The following ZFAT variants were observed in gnomAD, a reference collection of about 807,000 sequenced individuals.
ZFAT encodes zinc finger and AT-hook domain containing, also known as zinc finger protein ZFAT.
ZFAT carries 64 observed loss-of-function variants against 117.7 expected under a neutral mutation model. That is an observed-to-expected ratio of 0.54 (90% CI 0.44 to 0.67). The LOEUF (loss-of-function observed/expected upper bound fraction) is 0.67. ZFAT is among the 30% of genes least tolerant of loss of function. ZFAT has a pLI of 0.00. For synonymous variants in ZFAT, 679 were observed against 615.0 expected (o/e 1.10, Z -1.54); for missense variants, 1,433 against 1,584.5 (o/e 0.90, Z 1.62).
intron 2 of ZFAT, among the ~76,000 whole-genome samples, chr8:134,656,363 T>C (rs1831602888): frequency 6.6e-6 from 1 of 152,216 alleles, no homozygotes; most frequent in African/African-American, 2.4e-5. Context: ...GAGCACGCCA[T>C]GGACACACAC....
chr8:134,713,120 CCGGCA>C, upstream of ZFAT: 1 of 386,646 alleles, frequency 2.6e-6, no homozygotes, highest in Non-Finnish European at 4.6e-6. Flanking sequence ...CGAGCGCGGC[CCGGCA>C]GGGCCGAGCT....
intron 3 of ZFAT, among the ~76,000 whole-genome samples, chr8:134,637,079 CCT>C (rs1563708230): frequency 6.6e-6 from 1 of 152,250 alleles, no homozygotes; most frequent in Non-Finnish European, 1.5e-5. Flanking sequence ...CAGATTCACT[CCT>C]GACTTTCCAT....
intron 14 of ZFAT, among the ~76,000 whole-genome samples, chr8:134,510,524 G>T (rs1195279925): frequency 6.6e-6 from 1 of 152,104 alleles, no homozygotes; most frequent in Admixed American, 6.5e-5. Flanking sequence ...ATCAGAGAAG[G>T]GGAACTCAAC....
intron 15 of ZFAT, among the ~76,000 whole-genome samples, chr8:134,501,831 G>A (rs1338769596): frequency 6.6e-6 from 1 of 152,210 alleles, no homozygotes; most frequent in Non-Finnish European, 1.5e-5. Flanking sequence ...TAACTCACCA[G>A]TTATTCGAGC....
intron 12 of ZFAT, 69 bp downstream of exon 12, chr8:134,532,757 GTCAGCAGC>G: frequency 6.4e-7 from 1 of 1,550,686 alleles, no homozygotes; most frequent in Non-Finnish European, 8.7e-7. Context: ...ACTGCAGGAT[GTCAGCAGC>G]TCTTCCCAAT....
intron 5 of ZFAT, among the ~76,000 whole-genome samples, chr8:134,604,332 T>A (rs1259999145): frequency 6.6e-6 from 1 of 152,180 alleles, no homozygotes; most frequent in Non-Finnish European, 1.5e-5. Flanking sequence ...TGCATGCTTA[T>A]CCTCTCTACC....
At chr8:134,733,393 G>C in the ZFAT span, among the ~76,000 whole-genome samples, 3 of 152,216 alleles carry the variant, frequency 2.0e-5, 1 homozygote, top group South Asian at 6.2e-4. Flanking sequence ...AAAACGAGCA[G>C]TTTATGCAAT....
chr8:134,652,384 T>C (rs1772937109), intron 2 of ZFAT, among the ~76,000 whole-genome samples: 1 of 152,148 alleles, frequency 6.6e-6, no homozygotes, highest in Non-Finnish European at 1.5e-5. Flanking sequence ...GTGTATTCTA[T>C]AGCAGAAAAA....
chr8:134,619,656 A>G lies in ZFAT; in HGVS notation c.449-9001T>C, dbSNP rs563988557. Among the ~76,000 whole-genome samples, 10 of 152,328 alleles carry G rather than the reference A, an allele frequency of 6.6e-5. No homozygotes were observed. The East Asian group carries it at 1.9e-3, about 29-fold the overall frequency. ...CATAGATAGTAAAGTGGGGAAAGAC[A>G]GGAAGGGCCTCCAACCTCACACAGT... is the stretch of plus-strand genomic sequence containing the variant. On this transcript the variant is annotated intron_variant, in intron 3 of 15. Transcript: ENST00000377838.
chr8:134,656,920 G>A (rs1831641662), intron 2 of ZFAT, among the ~76,000 whole-genome samples: 1 of 152,200 alleles, frequency 6.6e-6, no homozygotes, highest in Non-Finnish European at 1.5e-5. Context: ...AGTGACAGAT[G>A]TCCAGACACT....
intron 10 of ZFAT, among the ~76,000 whole-genome samples, chr8:134,582,508 C>T (rs1043048139): frequency 8.5e-5 from 13 of 152,182 alleles, no homozygotes; most frequent in Admixed American, 4.6e-4. Context: ...TTTGTGGAGG[C>T]GTAGAATCAT....
chr8:134,784,418 C>T, the ZFAT span: 14 of 152,062 alleles, frequency 9.2e-5, no homozygotes, highest in Middle Eastern at 3.4e-3. Context: ...ATAAAATATG[C>T]GATTCTCTTT....
At chr8:134,820,982 G>A in the ZFAT span, among the ~76,000 whole-genome samples, 838 of 152,312 alleles carry the variant, frequency 5.5e-3, 6 homozygotes, top group African/African-American at 0.019. Context: ...GAATAATGAT[G>A]AGATGAGCAT....
intron 3 of ZFAT, among the ~76,000 whole-genome samples, chr8:134,630,783 T>C (rs1195676672): frequency 1.3e-5 from 2 of 152,240 alleles, no homozygotes; most frequent in Non-Finnish European, 2.9e-5. Context: ...GTTGAAAACA[T>C]ATCAAAAGAG....
chr8:134,738,843 A>T, the ZFAT span, among the ~76,000 whole-genome samples: 1 of 152,190 alleles, frequency 6.6e-6, no homozygotes, highest in Non-Finnish European at 1.5e-5. Context: ...TAAATAACAG[A>T]AGCCCAATTT....
chr8:134,810,940 G>C, the ZFAT span, among the ~76,000 whole-genome samples: 1 of 151,920 alleles, frequency 6.6e-6, no homozygotes, highest in Admixed American at 6.6e-5. Flanking sequence ...AACATGGGGG[G>C]GAAATCAGTA....
At chr8:134,669,120 G>A (rs1044707164) in intron 1 of ZFAT, among the ~76,000 whole-genome samples, 2 of 152,196 alleles carry the variant, frequency 1.3e-5, no homozygotes, top group Non-Finnish European at 1.5e-5. Flanking sequence ...CCAAATCTAC[G>A]TCTGATCGCT....
chr8:134,488,419 T>C (rs1171030180), intron 15 of ZFAT, among the ~76,000 whole-genome samples: 1 of 152,224 alleles, frequency 6.6e-6, no homozygotes, highest in East Asian at 1.9e-4. Flanking sequence ...TGAAGTTACA[T>C]AACATCAGCA....
the ZFAT span, among the ~76,000 whole-genome samples, chr8:134,828,331 A>C: frequency 6.6e-6 from 1 of 152,318 alleles, no homozygotes; most frequent in Admixed American, 6.5e-5. Context: ...CAGTATCCCG[A>C]AGTTGGGCTT....
Sources: allele counts gnomAD v4.1 joint callset (sites outside exome capture counted in the v4.1 genomes callset), GRCh38; gene constraint gnomAD v4.1.1; transcripts MANE v1.5; gene names NCBI Gene and HGNC (gene_info 2026-07-23, HGNC 2026-07-21).